Variants in PSIP1 observed in about 807,000 individuals in gnomAD.
The protein encoded by PSIP1 is PC4 and SFRS1-interacting protein.
A neutral mutation model predicts 74.7 loss-of-function variants in PSIP1; 19 were observed. The observed-to-expected ratio is 0.25, with a 90% CI of 0.18 to 0.37. The LOEUF (loss-of-function observed/expected upper bound fraction) is 0.37, where lower values mean the gene tolerates loss of function less well. PSIP1 is among the 10% of genes least tolerant of loss of function. The probability of loss-of-function intolerance (pLI) is 1.00; values close to 1 mark genes in which losing one functional copy is unlikely to be tolerated. For synonymous variants in PSIP1, 222 were observed against 195.3 expected, an observed-to-expected ratio of 1.14 and a Z score of -1.14; for missense variants, 601 against 614.3, an observed-to-expected ratio of 0.98 and a Z score of 0.23.
chr9:15,477,859 C>T (rs1033144339), intron 8 of PSIP1, among the ~76,000 whole-genome samples: 21 of 151,902 alleles, frequency 1.4e-4, no homozygotes, highest in African/African-American at 4.8e-4. Flanking sequence ...GATTTGTAGG[C>T]TAGGCACGTG....
chr9:15,493,043 C>T (rs1422781285), intron 3 of PSIP1, among the ~76,000 whole-genome samples: 2 of 152,208 alleles, frequency 1.3e-5, no homozygotes, highest in Non-Finnish European at 2.9e-5. Flanking sequence ...GTGTTTTCCC[C>T]ATTGTCTTGG....
At position 15,464,671 on chromosome 9, in the gene PSIP1, A is replaced by G. The variant is rs1306486023; in HGVS notation, c.*849T>C. 2.0e-5 allele frequency: 4 copies of G among 197,916 alleles called. No homozygotes were observed. The highest frequency in any genetic ancestry group is 4.2e-5 in the Non-Finnish European group (4 of 95,766). The allele number at this position is 197,916 out of a possible 1,614,324, so 12.3% of individuals were successfully genotyped here. On this transcript the variant is annotated 3_prime_UTR_variant, in exon 16 of 16. Coordinates refer to ENST00000380733, the MANE Select transcript of PSIP1 (RefSeq NM_033222.5). The stretch of plus-strand genomic sequence containing the variant: ...ATTAAGTTTTAGTGACTTCCTAAAG[A>G]CATTTTTAACAACATTCCTCAAAAA...
chr9:15,510,268 G>T lies in PSIP1; in HGVS notation c.-80C>A. Reference sequence around the variant, plus strand: ...CGGCGCGGGGATGCGGGCGGCGGACGCGGGCCCAGCTACCGGGCCCGCGGG... The same window carrying T: ...CGGCGCGGGGATGCGGGCGGCGGACTCGGGCCCAGCTACCGGGCCCGCGGG... On this transcript the variant is annotated 5_prime_UTR_variant, in exon 2 of 16. Transcript: ENST00000380733. 7.4e-7 allele frequency: 1 copy of T among 1,344,726 alleles called. No individual in the cohort carries two copies. The allele number at this position is 1,344,726 out of a possible 1,614,324, so 83.3% of individuals were successfully genotyped here.
chr9:15,482,124 C>A (rs1175309557), intron 6 of PSIP1, among the ~76,000 whole-genome samples: 1 of 152,240 alleles, frequency 6.6e-6, no homozygotes, highest in African/African-American at 2.4e-5. Context: ...TAAAAACACA[C>A]CACTTCACAC....
chr9:15,510,535 G>A (rs1423662293), intron 1 of PSIP1, among the ~76,000 whole-genome samples: 2 of 152,074 alleles, frequency 1.3e-5, no homozygotes, highest in South Asian at 2.1e-4. Flanking sequence ...CAGGGATGCT[G>A]CCCGGCCAGA....
At chr9:15,465,742 TTTC>T (rs1364834423) in intron 15 of PSIP1, 162 bp from the exon 16 acceptor site, 1 of 560,216 alleles carries the variant, frequency 1.8e-6, no homozygotes, top group African/African-American at 1.9e-5. Flanking sequence ...TTATTATTTT[TTTC>T]TTCTTCAAAA....
chr9:15,464,801 T>C lies in PSIP1; in HGVS notation c.*719A>G, dbSNP rs561077111. The C allele has an allele frequency of 1.9e-5, 4 of 206,986 alleles. No individual in the cohort carries two copies. In the East Asian group the frequency reaches 3.0e-4, roughly 15 times the overall value. The allele number at this position is 206,986 out of a possible 1,614,324, so 12.8% of individuals were successfully genotyped here. A position where few individuals can be genotyped will look rare whatever the true frequency, so the allele number is the denominator to read the frequency against. ...TTCATTCCTATATATACCCAGTCAG[T>C]TGTCTGCAAAGAAGTCCTAAGACTT... On this transcript the variant is annotated 3_prime_UTR_variant, in exon 16 of 16. Transcript: ENST00000380733.
At chr9:15,493,310 C>T (rs556929234) in intron 3 of PSIP1, among the ~76,000 whole-genome samples, 1 of 152,332 alleles carries the variant, frequency 6.6e-6, no homozygotes, top group African/African-American at 2.4e-5. Flanking sequence ...CAGTTCCCAA[C>T]ACGCTCCTCA....
intron 3 of PSIP1, among the ~76,000 whole-genome samples, chr9:15,491,310 C>A (rs1237626093): frequency 1.3e-5 from 2 of 152,156 alleles, no homozygotes; most frequent in Admixed American, 1.3e-4. Flanking sequence ...AATAAACAGA[C>A]TGCAAAAAAG....
chr9:15,492,750 C>T (rs932033335), intron 3 of PSIP1, among the ~76,000 whole-genome samples: 4 of 152,224 alleles, frequency 2.6e-5, no homozygotes, highest in Admixed American at 2.0e-4. Context: ...GAAATCTAGG[C>T]AGAGTTTCCC....
chr9:15,494,018 C>T (rs576611370), intron 3 of PSIP1, among the ~76,000 whole-genome samples: 3 of 152,196 alleles, frequency 2.0e-5, no homozygotes, highest in South Asian at 2.1e-4. Context: ...TAAAGCTAGA[C>T]GTAAGTATGT....
intron 6 of PSIP1, among the ~76,000 whole-genome samples, chr9:15,481,494 G>A (rs1266850968): frequency 1.3e-5 from 2 of 152,082 alleles, no homozygotes; most frequent in Non-Finnish European, 2.9e-5. Flanking sequence ...TCAGGAGTTC[G>A]AGACCAGCCT....
rs771012227 is a variant in PSIP1 at position 15,468,765 on chromosome 9, C to A, written c.1285G>T (p.Val429Phe). 1 of 1,614,006 alleles carries A rather than the reference C, an allele frequency of 6.2e-7. No individual in the cohort carries two copies. Among genetic ancestry groups the A allele is most frequent in the East Asian group, 2.2e-5 (1 of 44,864 alleles). The change falls in exon 14 of 16, where the codon GTT becomes TTT. Residue 429 changes from valine to phenylalanine, a missense_variant. Transcript: ENST00000380733. Reference sequence around the variant, plus strand: ...GTGATCACGGAATCTCCTTCACCAACCAAGAACATGTTCTTAAACTTGTTA... The same window carrying A: ...GTGATCACGGAATCTCCTTCACCAAACAAGAACATGTTCTTAAACTTGTTA... The part of the protein sequence containing the change: ...LYNKFKNMFL[V>F]GEGDSVITQV...
At position 15,478,555 on chromosome 9, in the gene PSIP1, A is replaced by G. The variant is rs1221258924; in HGVS notation, c.554-3T>C. The G allele has an allele frequency of 7.0e-6, 11 of 1,582,118 alleles. No individual in the cohort carries two copies. Among genetic ancestry groups the G allele is most frequent in the Non-Finnish European group, 9.6e-6 (11 of 1,151,766 alleles). On this transcript the variant is annotated splice_region_variant and splice_polypyrimidine_tract_variant and intron_variant, in intron 7 of 15. Coordinates refer to ENST00000380733, the MANE Select transcript of PSIP1 (RefSeq NM_033222.5). ...TTTTGGAATCTTGACTTCTGTAGCTAATATACACATGGAAAAAAAATCAGT... is the reference window on the plus strand; with the variant it reads ...TTTTGGAATCTTGACTTCTGTAGCTGATATACACATGGAAAAAAAATCAGT...
chr9:15,501,213 C>A (rs1166867021), intron 3 of PSIP1, among the ~76,000 whole-genome samples: 1 of 151,876 alleles, frequency 6.6e-6, no homozygotes, highest in East Asian at 1.9e-4. Context: ...TCTACATAAA[C>A]GTTGGCTAAT....
chr9:15,501,295 A>C (rs1404404357), intron 3 of PSIP1, among the ~76,000 whole-genome samples: 2 of 152,118 alleles, frequency 1.3e-5, no homozygotes, highest in Non-Finnish European at 2.9e-5. Context: ...ATATTTATTT[A>C]ACAGCTACTA....
intron 4 of PSIP1, among the ~76,000 whole-genome samples, chr9:15,489,685 T>G (rs1197470242): frequency 6.6e-6 from 1 of 151,544 alleles, no homozygotes; most frequent in Non-Finnish European, 1.5e-5. Flanking sequence ...ACCATGTAAG[T>G]CGCAAAACCT....
At chr9:15,503,771 G>C (rs778284616) in intron 3 of PSIP1, among the ~76,000 whole-genome samples, 2 of 152,086 alleles carry the variant, frequency 1.3e-5, no homozygotes, top group African/African-American at 2.4e-5. Flanking sequence ...TTTAGAGACA[G>C]AGTCTCACTC....
At chr9:15,469,111 A>ATT (rs1273000752) in intron 12 of PSIP1, 53 bp from the exon 13 acceptor site, 68 of 1,517,072 alleles carry the variant, frequency 4.5e-5, no homozygotes, top group Non-Finnish European at 5.7e-5. Flanking sequence ...ACACTTAAAC[A>ATT]ATCTGTTTCT....
Sources: allele counts gnomAD v4.1 joint callset (sites outside exome capture counted in the v4.1 genomes callset), GRCh38; gene constraint gnomAD v4.1.1; transcripts MANE v1.5; gene names NCBI Gene and HGNC (gene_info 2026-07-23, HGNC 2026-07-21).